PDE3A: variants seen among roughly 807,000 people sequenced by gnomAD.
PDE3A encodes phosphodiesterase 3A.
In PDE3A, 43 loss-of-function variants were observed where a neutral mutation model predicts 98.3. The observed-to-expected ratio is 0.44, with a 90% CI of 0.34 to 0.56. The LOEUF (loss-of-function observed/expected upper bound fraction) is 0.56. PDE3A is among the 20% of genes least tolerant of loss of function. The pLI, the probability that PDE3A is intolerant of heterozygous loss-of-function variation, is 0.01. For synonymous variants in PDE3A, 663 were observed against 567.9 expected, an observed-to-expected ratio of 1.17 and a Z score of -2.38; for missense variants, 1,427 against 1,440.7, an observed-to-expected ratio of 0.99 and a Z score of 0.15.
intron 1 of PDE3A, among the ~76,000 whole-genome samples, chr12:20,494,021 A>G (rs1039715740): frequency 2.0e-5 from 3 of 152,166 alleles, no homozygotes; most frequent in African/African-American, 7.2e-5. Context: ...GATTCAGACT[A>G]TTTTCAGTAT....
At chr12:20,500,372 A>G (rs903840880) in intron 1 of PDE3A, among the ~76,000 whole-genome samples, 5 of 152,176 alleles carry the variant, frequency 3.3e-5, no homozygotes, top group African/African-American at 1.2e-4. Flanking sequence ...ACTGATGGCA[A>G]TACATTTTGA....
intron 1 of PDE3A, among the ~76,000 whole-genome samples, chr12:20,428,815 A>G (rs764276038): frequency 2.6e-4 from 40 of 152,212 alleles, no homozygotes; most frequent in Non-Finnish European, 3.4e-4. Flanking sequence ...ATAAATGCGT[A>G]CCACTATGAT....
intron 2 of PDE3A, among the ~76,000 whole-genome samples, chr12:20,574,544 G>T (rs979515146): frequency 6.6e-6 from 1 of 152,006 alleles, no homozygotes; most frequent in South Asian, 2.1e-4. Flanking sequence ...TAAAAAGTAT[G>T]TGGAATAAAC....
At chr12:20,676,081 A>C (rs1235789250) in intron 15 of PDE3A, among the ~76,000 whole-genome samples, 1 of 151,636 alleles carries the variant, frequency 6.6e-6, no homozygotes, top group Non-Finnish European at 1.5e-5. Context: ...TCTCTGTCTT[A>C]TTGTTTATCA....
At chr12:20,448,106 A>G (rs886730065) in intron 1 of PDE3A, among the ~76,000 whole-genome samples, 3 of 152,206 alleles carry the variant, frequency 2.0e-5, no homozygotes, top group Non-Finnish European at 4.4e-5. Flanking sequence ...CGAGGAGCCC[A>G]TTAACCATAT....
chr12:20,455,799 G>A (rs995410771), intron 1 of PDE3A, among the ~76,000 whole-genome samples: 1 of 151,966 alleles, frequency 6.6e-6, no homozygotes, highest in African/African-American at 2.4e-5. Flanking sequence ...AAAAAGATTG[G>A]GAAAGGTCTA....
chr12:20,631,683 T>A (rs2121511984), intron 6 of PDE3A, among the ~76,000 whole-genome samples: 1 of 145,618 alleles, frequency 6.9e-6, no homozygotes, highest in East Asian at 2.1e-4. Context: ...CTCACGCAGC[T>A]TTTTTCATCA....
intron 1 of PDE3A, among the ~76,000 whole-genome samples, chr12:20,440,610 T>C (rs184917017): frequency 2.0e-5 from 3 of 152,290 alleles, no homozygotes; most frequent in Admixed American, 2.0e-4. Context: ...TGAGTACTTG[T>C]TTACTACAGC....
intron 1 of PDE3A, among the ~76,000 whole-genome samples, chr12:20,440,838 A>G (rs769566693): frequency 6.6e-6 from 1 of 152,120 alleles, no homozygotes; most frequent in African/African-American, 2.4e-5. Context: ...AGAGATGGAT[A>G]TATTCTTTTG....
intron 1 of PDE3A, among the ~76,000 whole-genome samples, chr12:20,528,414 C>T (rs911625122): frequency 3.9e-5 from 6 of 152,168 alleles, no homozygotes; most frequent in Non-Finnish European, 8.8e-5. Context: ...AATGATGACA[C>T]TTTGAATCAG....
chr12:20,564,877 T>C (rs765610516), intron 2 of PDE3A, among the ~76,000 whole-genome samples: 27 of 152,152 alleles, frequency 1.8e-4, no homozygotes, highest in Admixed American at 1.2e-3. Flanking sequence ...CTACCTTGTG[T>C]GTGTTTAGCC....
intron 1 of PDE3A, among the ~76,000 whole-genome samples, chr12:20,433,706 A>T (rs12426222): frequency 0.15 from 22,409 of 152,184 alleles, 2,225 homozygotes; most frequent in East Asian, 0.36. Flanking sequence ...TAGTAAGGTT[A>T]GGAAGAGCAT....
intron 14 of PDE3A, among the ~76,000 whole-genome samples, chr12:20,652,068 T>G (rs1384852795): frequency 6.6e-6 from 1 of 152,170 alleles, no homozygotes; most frequent in Non-Finnish European, 1.5e-5. Flanking sequence ...GGTTTCCAGT[T>G]TCATCCATGT....
intron 15 of PDE3A, among the ~76,000 whole-genome samples, chr12:20,678,537 C>T (rs1945694714): frequency 6.6e-6 from 1 of 152,010 alleles, no homozygotes; most frequent in South Asian, 2.1e-4. Context: ...AAAAAGAGAA[C>T]ATTATTGGTT....
At chr12:20,515,753 G>A (rs1946308667) in intron 1 of PDE3A, among the ~76,000 whole-genome samples, 1 of 128,242 alleles carries the variant, frequency 7.8e-6, no homozygotes, top group Non-Finnish European at 1.6e-5. Context: ...TTTATTTTGA[G>A]ACGGAGTCTC....
intron 15 of PDE3A, among the ~76,000 whole-genome samples, chr12:20,665,957 TTC>T (rs1396463448): frequency 3.7e-5 from 5 of 136,482 alleles, no homozygotes; most frequent in South Asian, 4.3e-4. Flanking sequence ...TATTTGTCAT[TTC>T]TTTTTTTTTT....
chr12:20,523,031 T>C (rs115043870), intron 1 of PDE3A, among the ~76,000 whole-genome samples: 2,370 of 151,596 alleles, frequency 0.016, 69 homozygotes, highest in African/African-American at 0.055. Flanking sequence ...ATGGAGGAGG[T>C]CTAAATACCA....
At position 20,370,387 on chromosome 12, in the gene PDE3A, A is replaced by AG. The variant is rs1307978223; in HGVS notation, c.960+145dup. ...CTAACTTCAGAATTAAGAAACTAGCAGGTTTTTTTTTTGTTTTTTTTGTTT... is the reference window on the plus strand; with the variant it reads ...CTAACTTCAGAATTAAGAAACTAGCAGGGTTTTTTTTTTGTTTTTTTTGTTT... On this transcript the variant is annotated intron_variant, in intron 1 of 15. Transcript: ENST00000359062. The AG allele has an allele frequency of 5.3e-5, 28 of 526,480 alleles. No individual in the cohort carries two copies. The East Asian group carries it at 7.5e-4, about 14-fold the overall frequency. 32.6% of individuals were successfully genotyped at this position (526,480 alleles called of 1,614,324 possible). A position where few individuals can be genotyped will look rare whatever the true frequency, so the allele number is the denominator to read the frequency against.
At chr12:20,604,938 C>T (rs1362618483) in intron 2 of PDE3A, among the ~76,000 whole-genome samples, 1 of 152,142 alleles carries the variant, frequency 6.6e-6, no homozygotes, top group Non-Finnish European at 1.5e-5. Flanking sequence ...AACTTAGGAA[C>T]TTGGAAGCAT....
Sources: allele counts gnomAD v4.1 joint callset (sites outside exome capture counted in the v4.1 genomes callset), GRCh38; gene constraint gnomAD v4.1.1; transcripts MANE v1.5; gene names NCBI Gene and HGNC (gene_info 2026-07-23, HGNC 2026-07-21).